Variants in CTNNA2 observed in about 807,000 individuals in gnomAD.
CTNNA2 encodes catenin alpha 2.
A neutral mutation model predicts 101.0 loss-of-function variants in CTNNA2; 42 were observed. The observed-to-expected ratio is 0.42, with a 90% CI of 0.32 to 0.54. The LOEUF (loss-of-function observed/expected upper bound fraction) is 0.54. CTNNA2 is among the 20% of genes least tolerant of loss of function. The pLI is 0.14. For missense variants in CTNNA2, 871 were observed against 1,223.1 expected, an observed-to-expected ratio of 0.71 and a Z score of 4.29; for synonymous variants, 450 against 456.4, an observed-to-expected ratio of 0.99 and a Z score of 0.18.
At chr2:79,831,785 A>G (rs1307664584) in intron 3 of CTNNA2, among the ~76,000 whole-genome samples, 15 of 140,366 alleles carry the variant, frequency 1.1e-4, no homozygotes, top group African/African-American at 3.4e-4. Flanking sequence ...TCAATCTTCT[A>G]CCCTTCAATT....
chr2:79,687,612 G>C (rs1684022856), intron 2 of CTNNA2: 2 of 694,968 alleles, frequency 2.9e-6, no homozygotes, highest in Non-Finnish European at 5.3e-6. Context: ...ACATAAATCT[G>C]TATTGCTGAC....
intron 7 of CTNNA2, among the ~76,000 whole-genome samples, chr2:80,351,062 A>C (rs915071497): frequency 6.6e-6 from 1 of 152,282 alleles, no homozygotes. Context: ...ACAGTCACTT[A>C]TATGCATTTT....
At chr2:79,402,709 A>G (rs575069002) in intron 4 of CTNNA2, among the ~76,000 whole-genome samples, 1 of 151,954 alleles carries the variant, frequency 6.6e-6, no homozygotes, top group African/African-American at 2.4e-5. Flanking sequence ...CATTTGGAAC[A>G]TTATTCAACT....
At chr2:80,473,012 C>T (rs1685431000) in intron 9 of CTNNA2, among the ~76,000 whole-genome samples, 2 of 152,166 alleles carry the variant, frequency 1.3e-5, no homozygotes, top group South Asian at 2.1e-4. Context: ...AAAGGCATCA[C>T]ACAGTCACCA....
chr2:79,274,439 C>T (rs1468447867), intron 2 of CTNNA2, among the ~76,000 whole-genome samples: 2 of 152,034 alleles, frequency 1.3e-5, no homozygotes, highest in African/African-American at 4.8e-5. Context: ...CTTACTAAAA[C>T]ATCTTTAGCT....
At chr2:80,357,247 T>G (rs192514193) in intron 7 of CTNNA2, among the ~76,000 whole-genome samples, 281 of 151,964 alleles carry the variant, frequency 1.8e-3, no homozygotes, top group Middle Eastern at 0.01. Context: ...TTTGTTTTTT[T>G]TTTGTTTGTT....
At chr2:80,199,705 C>T (rs920328824) in intron 7 of CTNNA2, among the ~76,000 whole-genome samples, 11 of 152,164 alleles carry the variant, frequency 7.2e-5, no homozygotes, top group Non-Finnish European at 1.2e-4. Context: ...TGTGGAAGCA[C>T]AAGGTGGGTA....
chr2:80,348,374 T>C (rs1389650061), intron 7 of CTNNA2, among the ~76,000 whole-genome samples: 3 of 152,182 alleles, frequency 2.0e-5, no homozygotes, highest in Non-Finnish European at 4.4e-5. Flanking sequence ...GGGAAGGTTA[T>C]GGTCTAAAGA....
intron 1 of CTNNA2, among the ~76,000 whole-genome samples, chr2:79,563,490 C>T (rs1325172162): frequency 2.0e-5 from 3 of 152,002 alleles, no homozygotes; most frequent in Non-Finnish European, 2.9e-5. Flanking sequence ...ACTTAGATTG[C>T]GTCCCTTTCT....
chr2:79,914,335 T>TTAA (rs1216925651), intron 7 of CTNNA2, among the ~76,000 whole-genome samples: 2 of 152,200 alleles, frequency 1.3e-5, no homozygotes, highest in East Asian at 3.9e-4. Flanking sequence ...CTAGAAAAAT[T>TTAA]TAATACTTAT....
chr2:80,088,214 A>T (rs1031721934), intron 7 of CTNNA2, among the ~76,000 whole-genome samples: 8 of 152,040 alleles, frequency 5.3e-5, no homozygotes, highest in Non-Finnish European at 8.8e-5. Context: ...AAGTATAACC[A>T]ATAATAATAA....
intron 6 of CTNNA2, among the ~76,000 whole-genome samples, chr2:79,877,861 T>G (rs1683142899): frequency 6.6e-6 from 1 of 152,208 alleles, no homozygotes; most frequent in Non-Finnish European, 1.5e-5. Context: ...AATTTTACTT[T>G]AAGTTCCAGG....
intron 7 of CTNNA2, among the ~76,000 whole-genome samples, chr2:80,219,820 C>T (rs538491209): frequency 2.7e-4 from 41 of 152,230 alleles, no homozygotes; most frequent in African/African-American, 9.9e-4. Flanking sequence ...TTTGTTAAGT[C>T]CCTTTATTTT....
intron 2 of CTNNA2, among the ~76,000 whole-genome samples, chr2:79,283,228 A>C (rs1356036737): frequency 4.8e-3 from 488 of 102,116 alleles, no homozygotes; most frequent in Non-Finnish European, 6.7e-3. Context: ...CTCTGATGGT[A>C]GTTTCTTTTG....
At chr2:79,783,986 G>T (rs191844719) in intron 3 of CTNNA2, among the ~76,000 whole-genome samples, 1 of 152,134 alleles carries the variant, frequency 6.6e-6, no homozygotes, top group South Asian at 2.1e-4. Context: ...TTAAACAACT[G>T]TATTTTAGCT....
intron 9 of CTNNA2, among the ~76,000 whole-genome samples, chr2:80,451,533 C>T (rs1201956438): frequency 6.6e-6 from 1 of 152,154 alleles, no homozygotes; most frequent in African/African-American, 2.4e-5. Flanking sequence ...CCCCTGGCCT[C>T]ATGTGCACAT....
chr2:79,281,354 G>C (rs552433487), intron 2 of CTNNA2: 1 of 152,292 alleles, frequency 6.6e-6, no homozygotes, highest in Non-Finnish European at 1.5e-5. Context: ...CAGATCCTCA[G>C]AGAGCACTGA....
intron 5 of CTNNA2, among the ~76,000 whole-genome samples, chr2:79,505,711 A>G (rs181474184): frequency 2.6e-4 from 39 of 152,300 alleles, no homozygotes; most frequent in Admixed American, 2.4e-3. Context: ...TGCATTATGG[A>G]AAGGTGTACA....
chr2:79,811,906 G>C (rs1159680104), intron 3 of CTNNA2, among the ~76,000 whole-genome samples: 1 of 152,072 alleles, frequency 6.6e-6, no homozygotes, highest in Non-Finnish European at 1.5e-5. Flanking sequence ...TTTCTCATCA[G>C]CTTTGAAGTT....
Sources: allele counts gnomAD v4.1 joint callset (sites outside exome capture counted in the v4.1 genomes callset), GRCh38; gene constraint gnomAD v4.1.1; transcripts MANE v1.5; gene names NCBI Gene and HGNC (gene_info 2026-07-23, HGNC 2026-07-21).